Variants in TAP1 observed in about 807,000 individuals in gnomAD.
TAP1 encodes the protein transporter 1, ATP binding cassette subfamily B member.
A neutral mutation model predicts 79.3 loss-of-function variants in TAP1; 56 were observed. The observed-to-expected ratio is 0.71, with a 90% CI of 0.57 to 0.88. The LOEUF (loss-of-function observed/expected upper bound fraction) is 0.88, where lower values mean the gene tolerates loss of function less well. TAP1 is among the 40% of genes least tolerant of loss of function. TAP1 has a pLI of 0.00. For synonymous variants in TAP1, 355 were observed against 401.4 expected, an observed-to-expected ratio of 0.88 and a Z score of 1.38; for missense variants, 737 against 936.3, an observed-to-expected ratio of 0.79 and a Z score of 2.78.
At position 32,847,561 on chromosome 6, in the gene TAP1, A is replaced by T; in HGVS notation, c.1855T>A (p.Ser619Thr). 1 of 1,614,024 alleles carries T rather than the reference A, an allele frequency of 6.2e-7. No homozygotes were observed. The highest frequency in any genetic ancestry group is 1.1e-5 in the South Asian group (1 of 91,066). Residue 619 changes from serine to threonine, a missense_variant, in exon 9 of 11, where the codon TCT becomes ACT. Ser to Thr is a moderately conservative substitution (Grantham distance 58). Around this residue, in one of 5 missense-constraint regions of TAP1, gnomAD observed 266 missense variants for 332.4 expected, o/e 0.80. Transcript: ENST00000354258. This position sits in a 1 kb window ranked among gnomAD's most constrained non-coding sequence, Gnocchi z 4.7. ...CCAGAGATGAAACTATGGGCCCCAGACTTTACTGCAGCAGCTGTGATTTCC... is the reference window on the plus strand; with the variant it reads ...CCAGAGATGAAACTATGGGCCCCAGTCTTTACTGCAGCAGCTGTGATTTCC... Reference protein sequence around the residue: ...MEEITAAAVKSGAHSFISGLP... With the variant: ...MEEITAAAVKTGAHSFISGLP...
chr6:32,847,032 G>A lies in TAP1; in HGVS notation c.2040+36C>T. On this transcript the variant is annotated intron_variant, in intron 10 of 10. Coordinates refer to ENST00000354258, the MANE Select transcript of TAP1 (RefSeq NM_000593.6). This position sits in a 1 kb window ranked among gnomAD's most constrained non-coding sequence, Gnocchi z 4.7. The stretch of plus-strand genomic sequence containing the variant: ...AAGATGTATAAAAGAAGCAAGATTG[G>A]GTGGGATATAGCCATTAAGAAGATG... 1.9e-6 allele frequency: 3 copies of A among 1,609,818 alleles called. No homozygotes were observed. Among genetic ancestry groups the A allele is most frequent in the Non-Finnish European group, 2.5e-6 (3 of 1,179,964 alleles).
At position 32,853,366 on chromosome 6, in the gene TAP1, C is replaced by A; in HGVS notation, c.271G>T (p.Gly91Cys). Residue 91 changes from glycine to cysteine, a missense_variant, in exon 1 of 11, where the codon GGC becomes TGC. Coordinates refer to ENST00000354258, the MANE Select transcript of TAP1 (RefSeq NM_000593.6). This position sits in a 1 kb window ranked among gnomAD's most constrained non-coding sequence, Gnocchi z 8.3. ...GSKSENAGAQ[G>C]WLAALKPLAA... ...AATGGCTTCAAAGCAGCCAGCCAGC[C>A]CTGGGCACCTGCGTTTTCGCTCTTG... 6.3e-7 allele frequency: 1 copy of A among 1,596,268 alleles called. No homozygotes were observed. Among genetic ancestry groups the A allele is most frequent in the Non-Finnish European group, 8.5e-7 (1 of 1,171,634 alleles).
rs1448595687 is a variant in TAP1 at position 32,851,988 on chromosome 6, G to A, written c.844+121C>T. On this transcript the variant is annotated intron_variant, in intron 3 of 10. Transcript: ENST00000354258. This position sits in a 1 kb window ranked among gnomAD's most constrained non-coding sequence, Gnocchi z 4.8. ...GACAGGGAGAGGGTATATCAAGAAT[G>A]AGAAGGAACAATGTGTGTATGTGTG... The A allele has an allele frequency of 7.4e-7, 1 of 1,352,954 alleles. No homozygotes were observed. Among genetic ancestry groups the A allele is most frequent in the African/African-American group, 1.4e-5 (1 of 69,084 alleles). 83.8% of individuals were successfully genotyped at this position (1,352,954 alleles called of 1,614,324 possible).
chr6:32,846,679 C>T (rs59989068), intron 10 of TAP1, among the ~76,000 whole-genome samples: 12,930 of 152,004 alleles, frequency 0.085, 759 homozygotes, highest in African/African-American at 0.17. Context: ...GTCAACCAGG[C>T]ATAGTGGTGT....
At position 32,851,669 on chromosome 6, in the gene TAP1, G is replaced by A. The variant is rs138317147; in HGVS notation, c.844+440C>T. On this transcript the variant is annotated intron_variant, in intron 3 of 10. Coordinates refer to ENST00000354258, the MANE Select transcript of TAP1 (RefSeq NM_000593.6). The surrounding 1 kb of genome is among the most constrained non-coding windows in gnomAD (Gnocchi z 4.8). ...GGTTCTAACCCCAAGTGTGTCTCTAGCCATATGTAACTGTGCAGTTTCAGC... is the reference window on the plus strand; with the variant it reads ...GGTTCTAACCCCAAGTGTGTCTCTAACCATATGTAACTGTGCAGTTTCAGC... Among the ~76,000 whole-genome samples the A allele has an allele frequency of 5.3e-3, 804 of 152,324 alleles. 9 individuals are homozygous for A. Among genetic ancestry groups the A allele is most frequent in the African/African-American group, 0.019 (772 of 41,556 alleles).
At position 32,853,632 on chromosome 6, in the gene TAP1, G is replaced by C. The variant is rs1209650738; in HGVS notation, c.5C>G (p.Ala2Gly). Residue 2 changes from alanine (A) to glycine (G), a missense_variant, in exon 1 of 11, where the codon GCT becomes GGT. Ala to Gly is a moderately conservative substitution (Grantham distance 60). Around this residue, in one of 5 missense-constraint regions of TAP1, gnomAD observed 45 missense variants for 60.2 expected, o/e 0.75. Transcript: ENST00000354258. This position sits in a 1 kb window ranked among gnomAD's most constrained non-coding sequence, Gnocchi z 8.3. ...GCGGGGAGCGGGACACCTAGAGCTAGCCATTGGCACTCGGACGCCGTCCCG... is the reference window on the plus strand; with the variant it reads ...GCGGGGAGCGGGACACCTAGAGCTACCCATTGGCACTCGGACGCCGTCCCG... The part of the protein sequence containing the change: M[A>G]SSRCPAPRGC... The C allele has an allele frequency of 6.2e-7, 1 of 1,610,914 alleles. No individual in the cohort carries two copies. Among genetic ancestry groups the C allele is most frequent in the African/African-American group, 1.3e-5 (1 of 74,904 alleles).
chr6:32,847,288 A>C lies in TAP1; in HGVS notation c.1904-84T>G. 6.3e-7 allele frequency: 1 copy of C among 1,579,246 alleles called. No homozygotes were observed. Among genetic ancestry groups the C allele is most frequent in the Admixed American group, 1.7e-5 (1 of 57,322 alleles). On this transcript the variant is annotated intron_variant, in intron 9 of 10. Coordinates refer to ENST00000354258, the MANE Select transcript of TAP1 (RefSeq NM_000593.6). This position sits in a 1 kb window ranked among gnomAD's most constrained non-coding sequence, Gnocchi z 4.7. ...TGCACACAGACACACTCATGCATTC[A>C]CGCACTCACACACACCAAGATCTGA...
chr6:32,851,968 G>T lies in TAP1; in HGVS notation c.844+141C>A. On this transcript the variant is annotated intron_variant, in intron 3 of 10. Coordinates refer to ENST00000354258, the MANE Select transcript of TAP1 (RefSeq NM_000593.6). The surrounding 1 kb of genome is among the most constrained non-coding windows in gnomAD (Gnocchi z 4.8). ...GACAGAGACAGAGAGAGAGAGACAGGGAGAGGGTATATCAAGAATGAGAAG... is the reference window on the plus strand; with the variant it reads ...GACAGAGACAGAGAGAGAGAGACAGTGAGAGGGTATATCAAGAATGAGAAG... 1 of 1,026,356 alleles carries T rather than the reference G, an allele frequency of 9.7e-7. No homozygotes were observed. The highest frequency in any genetic ancestry group is 1.5e-6 in the Non-Finnish European group (1 of 681,460). The allele number at this position is 1,026,356 out of a possible 1,614,324, so 63.6% of individuals were successfully genotyped here. A position where few individuals can be genotyped will look rare whatever the true frequency, so the allele number is the denominator to read the frequency against.
At position 32,852,732 on chromosome 6, in the gene TAP1, G is replaced by C. The variant is rs939846249; in HGVS notation, c.599-230C>G. Reference sequence around the variant, plus strand: ...TTTTATTAGGAAGGCTGGAGATCATGAAGTAGAAAAGCCTCCTGTTAGAGA... The same window carrying C: ...TTTTATTAGGAAGGCTGGAGATCATCAAGTAGAAAAGCCTCCTGTTAGAGA... On this transcript the variant is annotated intron_variant, in intron 1 of 10. Coordinates refer to ENST00000354258, the MANE Select transcript of TAP1 (RefSeq NM_000593.6). This position sits in a 1 kb window ranked among gnomAD's most constrained non-coding sequence, Gnocchi z 4.8. The C allele has an allele frequency of 6.9e-7, 1 of 1,451,024 alleles. No homozygotes were observed. The highest frequency in any genetic ancestry group is 9.0e-7 in the Non-Finnish European group (1 of 1,109,220). The allele number at this position is 1,451,024 out of a possible 1,614,324, so 89.9% of individuals were successfully genotyped here.
chr6:32,851,285 G>C lies in TAP1; in HGVS notation c.845-136C>G. ...AGGAGGCTGCAGGAAACAAGGTTAG[G>C]GTTCTCCAGAGGTCTGCAAATCTCA... On this transcript the variant is annotated intron_variant, in intron 3 of 10. Transcript: ENST00000354258. The surrounding 1 kb of genome is among the most constrained non-coding windows in gnomAD (Gnocchi z 4.8). The C allele has an allele frequency of 1.2e-6, 1 of 824,846 alleles. No individual in the cohort carries two copies. The highest frequency in any genetic ancestry group is 2.0e-6 in the Non-Finnish European group (1 of 496,018). The allele number at this position is 824,846 out of a possible 1,614,324, so 51.1% of individuals were successfully genotyped here.
chr6:32,852,712 T>C lies in TAP1; in HGVS notation c.599-210A>G, dbSNP rs946472877. On this transcript the variant is annotated intron_variant, in intron 1 of 10. Transcript: ENST00000354258. The surrounding 1 kb of genome is among the most constrained non-coding windows in gnomAD (Gnocchi z 4.8). ...CTCTACCAGAACTTTCAGGATTTTA[T>C]TAGGAAGGCTGGAGATCATGAAGTA... 3 of 1,460,996 alleles carry C rather than the reference T, an allele frequency of 2.1e-6. No homozygotes were observed. Among genetic ancestry groups the C allele is most frequent in the African/African-American group, 2.8e-5 (2 of 70,498 alleles). The allele number at this position is 1,460,996 out of a possible 1,614,324, so 90.5% of individuals were successfully genotyped here. A position where few individuals can be genotyped will look rare whatever the true frequency, so the allele number is the denominator to read the frequency against.
rs1562374970 is a variant in TAP1, at chr6:32,853,064, C to A, written c.573G>T (p.Leu191=). 2.5e-6 allele frequency: 4 copies of A among 1,612,600 alleles called. No homozygotes were observed. The highest frequency in any genetic ancestry group is 1.6e-4 in the Middle Eastern group (1 of 6,068). Residue 191 remains leucine, a synonymous_variant, in exon 1 of 11, where the codon CTG becomes CTT. Transcript: ENST00000354258. The surrounding 1 kb of genome is among the most constrained non-coding windows in gnomAD (Gnocchi z 8.3). Reference sequence around the variant, plus strand: ...CAAGAGAGGAGAGGACCACCAGGACCAGGAACAGCGAGAGGCGGCGCGTCT... The same window carrying A: ...CAAGAGAGGAGAGGACCACCAGGACAAGGAACAGCGAGAGGCGGCGCGTCT... ...GSETRRLSLF[L]VLVVLSSLGE... is the part of the protein sequence containing the mutation.
intron 5 of TAP1, chr6:32,849,970 A>C (rs763022966): frequency 1.3e-4 from 51 of 396,428 alleles, no homozygotes; most frequent in Non-Finnish European, 2.2e-4. Flanking sequence ...CTCACTAACA[A>C]ATCTACAAGG....
At chr6:32,846,022 T>C (rs1048823206) in intron 10 of TAP1, 20 of 591,020 alleles carry the variant, frequency 3.4e-5, no homozygotes, top group Non-Finnish European at 5.1e-5. Context: ...GTGAAACACG[T>C]GACAGAAGAA....
chr6:32,852,050 G>GC lies in TAP1; in HGVS notation c.844+58dup, dbSNP rs1770816568. The GC allele has an allele frequency of 7.5e-6, 12 of 1,610,212 alleles. No homozygotes were observed. In the South Asian group the frequency reaches 8.8e-5, roughly 12 times the overall value. The stretch of plus-strand genomic sequence containing the variant: ...GAGAGCGGGGAGGGGGGAGATCAAA[G>GC]CAGATGTATGAGGATATGAACAGTA... On this transcript the variant is annotated intron_variant, in intron 3 of 10. Coordinates refer to ENST00000354258, the MANE Select transcript of TAP1 (RefSeq NM_000593.6). The surrounding 1 kb of genome is among the most constrained non-coding windows in gnomAD (Gnocchi z 4.8).
intron 10 of TAP1, chr6:32,846,070 C>G (rs370629472): frequency 1.4e-4 from 73 of 524,874 alleles, no homozygotes; most frequent in South Asian, 1.0e-3. Flanking sequence ...TACCCATGGA[C>G]TTGGCATTTT....
In TAP1 at chr6:32,850,832, G is replaced by T; in HGVS notation, c.1050+112C>A. 9.6e-7 allele frequency: 1 copy of T among 1,039,850 alleles called. No homozygotes were observed. Among genetic ancestry groups the T allele is most frequent in the African/African-American group, 1.6e-5 (1 of 63,828 alleles). The allele number at this position is 1,039,850 out of a possible 1,614,324, so 64.4% of individuals were successfully genotyped here. Reference sequence around the variant, plus strand: ...GGACAGGGTGTTCCATGAAGATGGAGAATCAGTAAGGGTGCCAGGAAAGCT... The same window carrying T: ...GGACAGGGTGTTCCATGAAGATGGATAATCAGTAAGGGTGCCAGGAAAGCT... On this transcript the variant is annotated intron_variant, in intron 4 of 10. Coordinates refer to ENST00000354258, the MANE Select transcript of TAP1 (RefSeq NM_000593.6). The surrounding 1 kb of genome is among the most constrained non-coding windows in gnomAD (Gnocchi z 5.5).
chr6:32,847,944 T>C lies in TAP1; in HGVS notation c.1715A>G (p.Tyr572Cys), dbSNP rs752391130. Residue 572 changes from tyrosine (Y) to cysteine (C), a missense_variant, in exon 8 of 11, where the codon TAT becomes TGT. Physicochemically the swap from Tyr to Cys is radical, Grantham distance 194. This residue lies in a region of TAP1 where 266 missense variants were observed against 332.4 expected (regional missense o/e 0.80). Transcript: ENST00000354258. The surrounding 1 kb of genome is among the most constrained non-coding windows in gnomAD (Gnocchi z 4.7). ...LLLDGKPLPQ[Y>C]EHRYLHRQVA... Reference sequence around the variant, plus strand: ...CTGCCTGTGCAGGTAGCGGTGCTCATATTGGGGAAGGGGCTTCCCATCCAA... The same window carrying C: ...CTGCCTGTGCAGGTAGCGGTGCTCACATTGGGGAAGGGGCTTCCCATCCAA... 6.2e-7 allele frequency: 1 copy of C among 1,613,070 alleles called. No homozygotes were observed. Among genetic ancestry groups the C allele is most frequent in the East Asian group, 2.2e-5 (1 of 44,878 alleles).
rs767326847 is a variant in TAP1 at position 32,853,451 on chromosome 6, C to T, written c.186G>A (p.Leu62=). 2.5e-6 allele frequency: 4 copies of T among 1,611,788 alleles called. No homozygotes were observed. The highest frequency in any genetic ancestry group is 3.3e-5 in the Admixed American group (2 of 59,946). ...CCAGCCAGAGCACGGCCCAGCGGCTCAGGCCCACCGCCCAGACCCGGAGCA... is the reference window on the plus strand; with the variant it reads ...CCAGCCAGAGCACGGCCCAGCGGCTTAGGCCCACCGCCCAGACCCGGAGCA... The part of the protein sequence containing the change: ...LPLLRVWAVG[L]SRWAVLWLGA... The change falls in exon 1 of 11, where the codon CTG becomes CTA. Residue 62 remains leucine (L), a synonymous_variant. Transcript: ENST00000354258. The surrounding 1 kb of genome is among the most constrained non-coding windows in gnomAD (Gnocchi z 8.3).
Sources: allele counts gnomAD v4.1 joint callset (sites outside exome capture counted in the v4.1 genomes callset), GRCh38; gene constraint gnomAD v4.1.1; regional missense constraint gnomAD v4.1.1; non-coding constraint Gnocchi (gnomAD v3.1); transcripts MANE v1.5; gene names NCBI Gene and HGNC (gene_info 2026-07-23, HGNC 2026-07-21).